RNF213: variants seen among roughly 807,000 people sequenced by gnomAD.
RNF213 encodes ring finger protein 213, also known as E3 ubiquitin-protein ligase RNF213.
RNF213 carries 341 observed loss-of-function variants against 514.4 expected under a neutral mutation model. The ratio of observed to expected loss-of-function variants is 0.66; its 90% CI spans 0.61 to 0.73. RNF213 has a LOEUF of 0.73. RNF213 is among the 30% of genes least tolerant of loss of function. The probability of loss-of-function intolerance (pLI) is 0.00; values close to 1 mark genes in which losing one functional copy is unlikely to be tolerated. For missense variants in RNF213, 5,767 were observed against 6,615.6 expected, an observed-to-expected ratio of 0.87 and a Z score of 4.45; for synonymous variants, 2,655 against 2,658.2, an observed-to-expected ratio of 1.00 and a Z score of 0.04.
At position 80,288,008 on chromosome 17, in the gene RNF213, G is replaced by A; in HGVS notation, c.455G>A (p.Gly152Asp). The A allele has an allele frequency of 6.3e-7, 1 of 1,591,808 alleles. No individual in the cohort carries two copies. Among genetic ancestry groups the A allele is most frequent in the Non-Finnish European group, 8.6e-7 (1 of 1,169,568 alleles). The change falls in exon 4 of 68, where the codon GGC becomes GAC. Residue 152 changes from glycine (G) to aspartate (D), a missense_variant. By Grantham distance (94) the Gly-to-Asp change is moderately conservative. Around this residue, in one of 13 missense-constraint regions of RNF213, gnomAD observed 509 missense variants for 496.7 expected, o/e 1.02. Coordinates refer to ENST00000582970, the MANE Select transcript of RNF213 (RefSeq NM_001256071.3). This position sits in a 1 kb window ranked among gnomAD's most constrained non-coding sequence, Gnocchi z 4.9. ...GPTGQPSQPP[G>D]TATTPLEGDG... ...ACTGGCCAGCCGAGCCAGCCCCCAG[G>A]CACAGCCACCACGCCACTGGAGGGT...
chr17:80,363,903 G>A (rs2079150807), intron 41 of RNF213, 113 bp downstream of exon 41: 2 of 1,038,744 alleles, frequency 1.9e-6, no homozygotes, highest in Non-Finnish European at 2.9e-6. Flanking sequence ...CCATGGGAGG[G>A]GCTCCGTCCT....
intron 54 of RNF213, among the ~76,000 whole-genome samples, chr17:80,378,751 C>T (rs1306764093): frequency 2.0e-5 from 3 of 152,212 alleles, no homozygotes; most frequent in Non-Finnish European, 2.9e-5. Context: ...TCCAAGAATG[C>T]TCCCAGCTCT....
chr17:80,352,779 G>C, intron 32 of RNF213, 161 bp from the exon 33 acceptor site: 1 of 1,039,266 alleles, frequency 9.6e-7, no homozygotes, highest in Admixed American at 1.7e-5. Flanking sequence ...CGGGTTGGGT[G>C]GTTTCTGCGC....
chr17:80,328,207 C>T (rs543984816), intron 19 of RNF213, 121 bp from the exon 20 acceptor site: 29 of 1,282,312 alleles, frequency 2.3e-5, no homozygotes, highest in South Asian at 1.4e-4. Context: ...AGTGGGTATG[C>T]GCAAAACCAT....
In RNF213 at chr17:80,306,580, C is replaced by T. The variant is rs114352301; in HGVS notation, c.2427+112C>T. The T allele has an allele frequency of 1.5e-3, 1,579 of 1,086,168 alleles. 22 individuals are homozygous for T. In the African/African-American group the frequency reaches 0.022, roughly 15 times the overall value. 67.3% of individuals were successfully genotyped at this position (1,086,168 alleles called of 1,614,324 possible). A position where few individuals can be genotyped will look rare whatever the true frequency, so the allele number is the denominator to read the frequency against. On this transcript the variant is annotated intron_variant, in intron 12 of 67. Transcript: ENST00000582970. ...TAAAAAACAGACAGTGGGCTGGGTG[C>T]GGTGGCTCACGCCTGAATCCCAGCA...
chr17:80,386,425 C>A lies in RNF213; in HGVS notation c.14715C>A (p.Asn4905Lys). 4 of 1,614,122 alleles carry A rather than the reference C, an allele frequency of 2.5e-6. No homozygotes were observed. The highest frequency in any genetic ancestry group is 3.4e-6 in the Non-Finnish European group (4 of 1,180,006). Reference sequence around the variant, plus strand: ...CCGTGGAAAAACTCTCCAAGGAAAACAACAGGTTTGTGCACGAGCCACCAG... The same window carrying A: ...CCGTGGAAAAACTCTCCAAGGAAAAAAACAGGTTTGTGCACGAGCCACCAG... ...VYAVEKLSKENNSYSVDAAEV... is the reference protein window; with the variant it reads ...VYAVEKLSKEKNSYSVDAAEV... The change falls in exon 62 of 68, where the codon AAC (asparagine) becomes AAA (lysine). Residue 4905 changes from asparagine (N) to lysine (K), a missense_variant. By Grantham distance (94) the Asn-to-Lys change is moderately conservative. Coordinates refer to ENST00000582970, the MANE Select transcript of RNF213 (RefSeq NM_001256071.3).
rs757552706 is a variant in RNF213 at position 80,367,739 on chromosome 17, T to G, written c.11872-9T>G. 4 of 1,613,120 alleles carry G rather than the reference T, an allele frequency of 2.5e-6. No homozygotes were observed. Among genetic ancestry groups the G allele is most frequent in the Non-Finnish European group, 3.4e-6 (4 of 1,179,190 alleles). On this transcript the variant is annotated splice_polypyrimidine_tract_variant and intron_variant, in intron 42 of 67. Coordinates refer to ENST00000582970, the MANE Select transcript of RNF213 (RefSeq NM_001256071.3). ...CCTGCTAATGACTCCTGTCCCTGCCTTTCTTCAGTGTCTTCGAGAGAACTC... is the reference window on the plus strand; with the variant it reads ...CCTGCTAATGACTCCTGTCCCTGCCGTTCTTCAGTGTCTTCGAGAGAACTC...
Position 80,303,621 on chromosome 17 carries a change from T to C in RNF213, c.2211-2631T>C, listed in dbSNP as rs566063082. On this transcript the variant is annotated intron_variant, in intron 11 of 67. Transcript: ENST00000582970. The stretch of plus-strand genomic sequence containing the variant: ...CTCTGTCGCCCAGGCTGGAGTACAG[T>C]GGCGCGATCTCTGGTCACTGCAACC... Among the ~76,000 whole-genome samples, 25 of 150,874 alleles carry C rather than the reference T, an allele frequency of 1.7e-4. No individual in the cohort carries two copies. In the South Asian group the frequency reaches 4.5e-3, roughly 27 times the overall value.
intron 3 of RNF213, chr17:80,278,696 C>T (rs970132248): frequency 1.1e-5 from 16 of 1,514,222 alleles, no homozygotes; most frequent in Middle Eastern, 1.7e-4. Flanking sequence ...GGGGTCTTTG[C>T]GAGTCTACTG....
chr17:80,389,460 T>C, intron 65 of RNF213, 93 bp downstream of exon 65: 1 of 1,105,326 alleles, frequency 9.0e-7, no homozygotes, highest in South Asian at 1.3e-5. Flanking sequence ...AGTGCCACTC[T>C]AGGCGCTCCT....
Position 80,352,627 on chromosome 17 carries a change from G to C in RNF213, c.10304-313G>C, listed in dbSNP as rs192180292. 2.0e-4 allele frequency: 121 copies of C among 597,062 alleles called. No homozygotes were observed. The Middle Eastern group carries it at 2.7e-3, about 13-fold the overall frequency. The allele number at this position is 597,062 out of a possible 1,614,324, so 37.0% of individuals were successfully genotyped here. A position where few individuals can be genotyped will look rare whatever the true frequency, so the allele number is the denominator to read the frequency against. Reference sequence around the variant, plus strand: ...GTGTCCCCCACCCCTCACTAACTGTGATACAGCAAATACAACAATGCATGG... The same window carrying C: ...GTGTCCCCCACCCCTCACTAACTGTCATACAGCAAATACAACAATGCATGG... On this transcript the variant is annotated intron_variant, in intron 32 of 67. Transcript: ENST00000582970.
rs369984023 is a variant in RNF213, at chr17:80,346,961, C to A, written c.8626C>A (p.His2876Asn). Residue 2876 changes from histidine to asparagine, a missense_variant, in exon 29 of 68, where the codon CAC becomes AAC. Transcript: ENST00000582970. The surrounding 1 kb of genome is among the most constrained non-coding windows in gnomAD (Gnocchi z 8.1). Reference sequence around the variant, plus strand: ...ATGCATTGAAGACGATCCCGCCCCCCACAAAAAGGTCGGCTTCGTGGGCAT... The same window carrying A: ...ATGCATTGAAGACGATCCCGCCCCCAACAAAAAGGTCGGCTTCGTGGGCAT... Reference protein sequence around the residue: ...DGCIEDDPAPHKKVGFVGISN... With the variant: ...DGCIEDDPAPNKKVGFVGISN... 5 of 1,613,916 alleles carry A rather than the reference C, an allele frequency of 3.1e-6. No individual in the cohort carries two copies. Among genetic ancestry groups the A allele is most frequent in the South Asian group, 2.2e-5 (2 of 91,060 alleles).
intron 3 of RNF213, among the ~76,000 whole-genome samples, chr17:80,281,082 CCACACATACCCCACT>C (rs1489454523): frequency 4.9e-5 from 7 of 143,554 alleles, no homozygotes; most frequent in Non-Finnish European, 9.2e-5. Flanking sequence ...ACACCCCCCG[CCACACATACCCCACT>C]CACACATACC....
At position 80,375,857 on chromosome 17, in the gene RNF213, A is replaced by C; in HGVS notation, c.13172A>C (p.His4391Pro). The C allele has an allele frequency of 6.2e-7, 1 of 1,611,988 alleles. No homozygotes were observed. The highest frequency in any genetic ancestry group is 8.5e-7 in the Non-Finnish European group (1 of 1,178,022). The stretch of plus-strand genomic sequence containing the variant: ...TACAGATCCCACAATGCAAGCCTCC[A>C]CCCCACGCCAGAGGTGAGTAACCGC... ...ILYRSHNASLHPTPEQCEAVS... is the reference protein window; with the variant it reads ...ILYRSHNASLPPTPEQCEAVS... Residue 4391 changes from histidine to proline, a missense_variant, in exon 51 of 68, where the codon CAC becomes CCC. By Grantham distance (77) the His-to-Pro change is moderately conservative. Coordinates refer to ENST00000582970, the MANE Select transcript of RNF213 (RefSeq NM_001256071.3).
At position 80,343,483 on chromosome 17, in the gene RNF213, G is replaced by C. The variant is rs2078220767; in HGVS notation, c.6183+158G>C. 6.6e-6 allele frequency among the ~76,000 whole-genome samples: 1 copy of C among 152,146 alleles called. No individual in the cohort carries two copies. Among genetic ancestry groups the C allele is most frequent in the Admixed American group, 6.6e-5 (1 of 15,262 alleles). ...TGTGCTCTGAGAAGTGTGTTGTCAG[G>C]CAGTTTCCTCCTTGTGTGAACGTCA... is the stretch of plus-strand genomic sequence containing the variant. On this transcript the variant is annotated intron_variant, in intron 27 of 67. Transcript: ENST00000582970. This position sits in a 1 kb window ranked among gnomAD's most constrained non-coding sequence, Gnocchi z 4.3.
chr17:80,381,862 A>G, intron 57 of RNF213, 135 bp downstream of exon 57: 1 of 870,988 alleles, frequency 1.1e-6, no homozygotes, highest in Non-Finnish European at 1.8e-6. Flanking sequence ...GAATGAGAGA[A>G]CACACAGAGA....
chr17:80,351,412 A>G (rs921904133), intron 31 of RNF213, among the ~76,000 whole-genome samples: 1 of 152,256 alleles, frequency 6.6e-6, no homozygotes, highest in Non-Finnish European at 1.5e-5. Flanking sequence ...GTTTCTGGTC[A>G]ACGAAGGAAT....
chr17:80,380,914 C>A lies in RNF213; in HGVS notation c.13724C>A (p.Pro4575His). The change falls in exon 56 of 68, where the codon CCC becomes CAC. Residue 4575 changes from proline to histidine, a missense_variant. Coordinates refer to ENST00000582970, the MANE Select transcript of RNF213 (RefSeq NM_001256071.3). ...GTGGTGACATGTGACCGAGGGCTGC[C>A]CCCAGTGGTCTTCCTCCTTATCCGG... ...RDVVTCDRGLPPVVFLLIRLL... is the reference protein window; with the variant it reads ...RDVVTCDRGLHPVVFLLIRLL... 1 of 1,614,134 alleles carries A rather than the reference C, an allele frequency of 6.2e-7. No individual in the cohort carries two copies. Among genetic ancestry groups the A allele is most frequent in the Non-Finnish European group, 8.5e-7 (1 of 1,180,030 alleles).
At position 80,332,218 on chromosome 17, in the gene RNF213, C is replaced by T; in HGVS notation, c.3730C>T (p.Leu1244=). 6.5e-7 allele frequency: 1 copy of T among 1,537,214 alleles called. No individual in the cohort carries two copies. Residue 1244 remains leucine, a synonymous_variant, in exon 21 of 68, where the codon CTG becomes TTG. Coordinates refer to ENST00000582970, the MANE Select transcript of RNF213 (RefSeq NM_001256071.3). Reference sequence around the variant, plus strand: ...CTTCTGGCGGGAAGCCGCAGAGCCGCTGAGTGAGCCTAAGGAGGACCAGGA... The same window carrying T: ...CTTCTGGCGGGAAGCCGCAGAGCCGTTGAGTGAGCCTAAGGAGGACCAGGA... ...QLFWREAAEP[L]SEPKEDQEAA...
Sources: gnomAD v4.1 joint callset for allele counts (sites outside exome capture counted in the v4.1 genomes callset) on GRCh38, gnomAD v4.1.1 for gene constraint, gnomAD v4.1.1 regional missense constraint, Gnocchi (gnomAD v3.1) non-coding constraint, MANE v1.5 for transcripts, NCBI Gene and HGNC (gene_info 2026-07-23, HGNC 2026-07-21) for gene names.